IL5RA: variants seen among roughly 807,000 people sequenced by gnomAD.
IL5RA encodes interleukin-5 receptor subunit alpha.
IL5RA carries 49 observed loss-of-function variants against 50.0 expected under a neutral mutation model. The observed-to-expected ratio is 0.98, with a 90% confidence interval of 0.78 to 1.24. IL5RA has a LOEUF of 1.24. Among genes scored for constraint, IL5RA ranks in the 50% most tolerant of loss-of-function variants. The pLI is 0.00. For synonymous variants in IL5RA, 202 were observed against 174.0 expected (o/e 1.16, Z -1.26); for missense variants, 600 against 500.4 (o/e 1.20, Z -1.90).
At chr3:3,098,994 A>G (rs922281431) in intron 5 of IL5RA, among the ~76,000 whole-genome samples, 5 of 152,162 alleles carry the variant, frequency 3.3e-5, no homozygotes, top group African/African-American at 1.2e-4. Context: ...TTTCAACTGT[A>G]AAGGAGCGGG....
chr3:3,075,116 T>G (rs1423096828), intron 10 of IL5RA, among the ~76,000 whole-genome samples: 1 of 151,840 alleles, frequency 6.6e-6, no homozygotes, highest in African/African-American at 2.4e-5. Flanking sequence ...CCAGGCCTAA[T>G]ATCTGAAAAC....
intron 9 of IL5RA, among the ~76,000 whole-genome samples, chr3:3,090,570 CTTT>C (rs35917277): frequency 1.8e-5 from 2 of 113,680 alleles, no homozygotes; most frequent in African/African-American, 3.3e-5. Context: ...TCTTTTCTTT[CTTT>C]TTTTTTTTTT....
At chr3:3,105,115 G>T in intron 2 of IL5RA, 128 bp from the exon 3 acceptor site, 1 of 611,478 alleles carries the variant, frequency 1.6e-6, no homozygotes. Context: ...TTTGTTATGC[G>T]CAAAAAGTAC....
At chr3:3,093,740 G>A (rs1162540809) in intron 8 of IL5RA, among the ~76,000 whole-genome samples, 1 of 152,198 alleles carries the variant, frequency 6.6e-6, no homozygotes, top group African/African-American at 2.4e-5. Context: ...CTGTGGGAGG[G>A]CAACCCCAAG....
At chr3:3,085,834 C>T (rs1402447484) in intron 9 of IL5RA, among the ~76,000 whole-genome samples, 1 of 152,138 alleles carries the variant, frequency 6.6e-6, no homozygotes, top group African/African-American at 2.4e-5. Flanking sequence ...AGCTCAAACT[C>T]CGACAGGAAA....
intron 5 of IL5RA, among the ~76,000 whole-genome samples, chr3:3,100,356 A>C (rs1703586328): frequency 1.2e-5 from 1 of 83,470 alleles, no homozygotes; most frequent in South Asian, 7.0e-4. Flanking sequence ...GTGCTTTTGC[A>C]CAGACAAAAA....
intron 2 of IL5RA, among the ~76,000 whole-genome samples, chr3:3,106,089 G>A (rs943270666): frequency 3.3e-5 from 5 of 152,170 alleles, no homozygotes; most frequent in African/African-American, 7.2e-5. Flanking sequence ...AAGGAAAGGA[G>A]TCTGAAAGCT....
chr3:3,080,384 C>T (rs1189047595), intron 9 of IL5RA, among the ~76,000 whole-genome samples: 2 of 152,158 alleles, frequency 1.3e-5, no homozygotes, highest in Non-Finnish European at 1.5e-5. Context: ...GTGCTCTTAG[C>T]CTTGATGTAG....
rs1029225483 is a variant in IL5RA, at chr3:3,086,229, A to T, written c.994+5995T>A. On this transcript the variant is annotated intron_variant, in intron 9 of 11. Coordinates refer to ENST00000446632, the MANE Select transcript of IL5RA (RefSeq NM_175726.4). ...ATAAGTCTCTTTTCCTCAAGCAAGG[A>T]TATGACTATGGAAAAATTTATTTTC... Among the ~76,000 whole-genome samples the T allele has an allele frequency of 4.6e-5, 7 of 152,214 alleles. 1 individual carries two copies. Among genetic ancestry groups the T allele is most frequent in the Admixed American group, 3.9e-4 (6 of 15,276 alleles).
intron 9 of IL5RA, among the ~76,000 whole-genome samples, chr3:3,081,522 G>T (rs557835987): frequency 6.6e-6 from 1 of 152,296 alleles, no homozygotes; most frequent in African/African-American, 2.4e-5. Context: ...GAAAGAAGGG[G>T]CAGTGTTGTA....
At chr3:3,090,312 G>C (rs1703033352) in intron 9 of IL5RA, 1 of 1,272,492 alleles carries the variant, frequency 7.9e-7, no homozygotes, top group Admixed American at 2.1e-5. Flanking sequence ...CCTTGTAAAG[G>C]CTGAATGTTA....
rs563459084 is a variant in IL5RA, at chr3:3,083,782, C to G, written c.995-7155G>C. Among the ~76,000 whole-genome samples, 8 of 152,298 alleles carry G rather than the reference C, an allele frequency of 5.3e-5. No individual in the cohort carries two copies. The South Asian group carries it at 1.2e-3, about 24-fold the overall frequency. On this transcript the variant is annotated intron_variant, in intron 9 of 11. Transcript: ENST00000446632. ...GTTAGTCCTAGACCAAGTGTGGTGG[C>G]TCAGGCCTGCAATCCCAGCACTTTG...
At chr3:3,076,369 T>A (rs1192480359) in intron 10 of IL5RA, among the ~76,000 whole-genome samples, 162 bp downstream of exon 10, 5 of 152,208 alleles carry the variant, frequency 3.3e-5, no homozygotes, top group Non-Finnish European at 7.3e-5. Flanking sequence ...CATTTCCACT[T>A]TTGATTTGGC....
At chr3:3,100,038 C>G (rs1703568892) in intron 5 of IL5RA, among the ~76,000 whole-genome samples, 1 of 152,144 alleles carries the variant, frequency 6.6e-6, no homozygotes, top group African/African-American at 2.4e-5. Flanking sequence ...ACTAGAAAGG[C>G]TTGTTTTCAT....
intron 9 of IL5RA, among the ~76,000 whole-genome samples, chr3:3,087,345 C>G (rs915265927): frequency 6.6e-6 from 1 of 152,160 alleles, no homozygotes; most frequent in Non-Finnish European, 1.5e-5. Flanking sequence ...CCTGCTGTCC[C>G]CTGTGCTCCT....
chr3:3,074,675 G>C, intron 11 of IL5RA, 107 bp downstream of exon 11: 1 of 631,438 alleles, frequency 1.6e-6, no homozygotes, highest in Non-Finnish European at 2.8e-6. Flanking sequence ...CTGGCCTTCT[G>C]AGTAAAAACC....
At chr3:3,093,652 C>G (rs1046846483) in intron 8 of IL5RA, among the ~76,000 whole-genome samples, 2 of 152,202 alleles carry the variant, frequency 1.3e-5, no homozygotes, top group Non-Finnish European at 2.9e-5. Flanking sequence ...TCTCTTCATC[C>G]TTACAGATTC....
At chr3:3,077,515 T>C (rs1004418562) in intron 9 of IL5RA, among the ~76,000 whole-genome samples, 6 of 152,156 alleles carry the variant, frequency 3.9e-5, no homozygotes, top group African/African-American at 1.4e-4. Flanking sequence ...CGCCTGTAAA[T>C]CCAAGCACTT....
chr3:3,105,624 T>TTCC (rs576221214), intron 2 of IL5RA: 1 of 139,752 alleles, frequency 7.2e-6, no homozygotes, highest in Non-Finnish European at 1.5e-5. Flanking sequence ...TTTGTTTTGT[T>TTCC]CCCCCCCCCA....
Sources: allele counts gnomAD v4.1 joint callset (sites outside exome capture counted in the v4.1 genomes callset), GRCh38; gene constraint gnomAD v4.1.1; transcripts MANE v1.5; gene names NCBI Gene and HGNC (gene_info 2026-07-23, HGNC 2026-07-21).